The following MARCHF6 variants were observed in gnomAD, a reference collection of about 807,000 sequenced individuals.
MARCHF6 encodes the protein membrane associated ring-CH-type finger 6.
Under a neutral mutation model 133.7 loss-of-function variants are expected in MARCHF6, and 31 were observed. The observed-to-expected ratio is 0.23, with a 90% confidence interval of 0.17 to 0.31. The LOEUF is 0.31. Among genes scored for constraint, MARCHF6 ranks in the 10% least tolerant of loss-of-function variants. The pLI, the probability that MARCHF6 is intolerant of heterozygous loss-of-function variation, is 1.00. For missense variants in MARCHF6, 723 were observed against 1,121.6 expected, an observed-to-expected ratio of 0.64 and a Z score of 5.08; for synonymous variants, 395 against 402.5, an observed-to-expected ratio of 0.98 and a Z score of 0.22.
At position 10,404,031 on chromosome 5, in the gene MARCHF6, CTTTATTTATTTATTTATTTATTTA is replaced by C. The variant is rs36021721; in HGVS notation, c.1332+515_1332+538del. On this transcript the variant is annotated intron_variant, in intron 15 of 25. Transcript: ENST00000274140. ...CCAGTTCACTGGCCTGATGGATTACCTTTATTTATTTATTTATTTATTTATTTATTTATTTATTTATTTATTTAC... is the reference window on the plus strand; with the variant it reads ...CCAGTTCACTGGCCTGATGGATTACCTTTATTTATTTATTTATTTATTTAC... 1.4e-4 allele frequency among the ~76,000 whole-genome samples: 20 copies of C among 143,442 alleles called. No homozygotes were observed. The East Asian group carries it at 3.9e-3, about 28-fold the overall frequency. The allele number at this position is 143,442 out of a possible 152,430, so 94.1% of individuals were successfully genotyped here.
chr5:10,411,304 G>A, intron 18 of MARCHF6, 29 bp from the exon 19 acceptor site: 1 of 1,576,548 alleles, frequency 6.3e-7, no homozygotes, highest in South Asian at 1.1e-5. Context: ...CCTGAAGTGA[G>A]ACTTGTTACT....
chr5:10,417,991 G>T (rs1739614937), intron 22 of MARCHF6, among the ~76,000 whole-genome samples: 1 of 152,064 alleles, frequency 6.6e-6, no homozygotes, highest in Admixed American at 6.5e-5. Flanking sequence ...TCACCTTTGA[G>T]GTAGGGTGAA....
At chr5:10,425,988 CAG>C (rs1740064737) in intron 23 of MARCHF6, among the ~76,000 whole-genome samples, 1 of 152,172 alleles carries the variant, frequency 6.6e-6, no homozygotes, top group Non-Finnish European at 1.5e-5. Context: ...TCATCATACT[CAG>C]ATAAAATGAA....
chr5:10,386,826 C>T (rs889514740), intron 4 of MARCHF6, 168 bp from the exon 5 acceptor site: 1 of 541,060 alleles, frequency 1.8e-6, no homozygotes, highest in Non-Finnish European at 3.4e-6. Context: ...TATATTTGTG[C>T]TTGACTGTGT....
intron 24 of MARCHF6, 60 bp downstream of exon 24, chr5:10,426,582 T>C: frequency 1.3e-6 from 2 of 1,558,910 alleles, no homozygotes; most frequent in Non-Finnish European, 1.8e-6. Flanking sequence ...GGACATTCTC[T>C]TTACCCCTAG....
At chr5:10,374,093 G>C (rs536963146) in intron 1 of MARCHF6, among the ~76,000 whole-genome samples, 2 of 151,840 alleles carry the variant, frequency 1.3e-5, no homozygotes, top group South Asian at 4.2e-4. Flanking sequence ...ATTCTGCAGA[G>C]AGAGAGCCTG....
chr5:10,387,339 G>T (rs1463442123), intron 5 of MARCHF6, among the ~76,000 whole-genome samples: 2 of 145,616 alleles, frequency 1.4e-5, no homozygotes, highest in Non-Finnish European at 3.0e-5. Flanking sequence ...GTCTTGTTCT[G>T]TTGTCCAGGC....
At chr5:10,416,825 T>C (rs1036316026) in intron 21 of MARCHF6, among the ~76,000 whole-genome samples, 3 of 152,352 alleles carry the variant, frequency 2.0e-5, no homozygotes, top group Admixed American at 6.5e-5. Context: ...ATTTGACAGA[T>C]ACAGGGTATT....
At position 10,414,506 on chromosome 5, in the gene MARCHF6, T is replaced by C. The variant is rs1554025060; in HGVS notation, c.1966+4T>C. The C allele has an allele frequency of 6.2e-7, 1 of 1,608,216 alleles. No individual in the cohort carries two copies. Among genetic ancestry groups the C allele is most frequent in the Non-Finnish European group, 8.5e-7 (1 of 1,174,814 alleles). The stretch of plus-strand genomic sequence containing the variant: ...CTCATCTGCCTTACTTTACCAGGTA[T>C]GAGCTTGTGCTAGCCTTCAGCTAAT... On this transcript the variant is annotated splice_donor_region_variant and intron_variant, in intron 20 of 25. Transcript: ENST00000274140.
chr5:10,366,410 A>G (rs552502932), intron 1 of MARCHF6, among the ~76,000 whole-genome samples: 1 of 152,360 alleles, frequency 6.6e-6, no homozygotes, highest in East Asian at 1.9e-4. Context: ...TGATAATTAC[A>G]TATTAAACAT....
intron 1 of MARCHF6, among the ~76,000 whole-genome samples, chr5:10,357,350 G>A (rs945194778): frequency 8.9e-5 from 6 of 67,460 alleles, no homozygotes; most frequent in Non-Finnish European, 1.9e-4. Flanking sequence ...ATATAAAGCT[G>A]AGGTTTTTTT....
intron 22 of MARCHF6, among the ~76,000 whole-genome samples, chr5:10,421,361 A>G (rs1203739851): frequency 6.6e-6 from 1 of 152,256 alleles, no homozygotes; most frequent in Non-Finnish European, 1.5e-5. Flanking sequence ...TTGTTTTGAT[A>G]TCGATAGCTC....
chr5:10,375,241 C>T (rs1311365911), intron 1 of MARCHF6, among the ~76,000 whole-genome samples: 1 of 152,208 alleles, frequency 6.6e-6, no homozygotes, highest in Non-Finnish European at 1.5e-5. Context: ...CTTGGTGGGC[C>T]TGCACTCGGA....
intron 20 of MARCHF6, 96 bp from the exon 21 acceptor site, chr5:10,415,392 C>CACA: frequency 8.8e-7 from 1 of 1,137,976 alleles, no homozygotes; most frequent in Admixed American, 2.1e-5. Context: ...AATGTGATAT[C>CACA]TTTTTCCTAA....
Position 10,392,671 on chromosome 5 carries a change from T to G in MARCHF6, c.766+940T>G, listed in dbSNP as rs550491202. ...TGGGAGGCTGAGATAGGAGAATCAC[T>G]TGAACCCAGGAGGCAGAGGTTGCAG... On this transcript the variant is annotated intron_variant, in intron 7 of 25. Coordinates refer to ENST00000274140, the MANE Select transcript of MARCHF6 (RefSeq NM_005885.4). Among the ~76,000 whole-genome samples, 3 of 152,046 alleles carry G rather than the reference T, an allele frequency of 2.0e-5. No individual in the cohort carries two copies. In the South Asian group the frequency reaches 6.2e-4, roughly 32 times the overall value.
chr5:10,433,585 G>A lies in MARCHF6; in HGVS notation c.2643-9G>A. ...AGAAGAGAGTAACCACCTTGTTTTT[G>A]CAACCTAGGTACCTTGTGGGTCAAC... On this transcript the variant is annotated splice_polypyrimidine_tract_variant and intron_variant, in intron 25 of 25. Coordinates refer to ENST00000274140, the MANE Select transcript of MARCHF6 (RefSeq NM_005885.4). 1 of 1,610,612 alleles carries A rather than the reference G, an allele frequency of 6.2e-7. No individual in the cohort carries two copies. Among genetic ancestry groups the A allele is most frequent in the South Asian group, 1.1e-5 (1 of 90,882 alleles).
intron 5 of MARCHF6, among the ~76,000 whole-genome samples, chr5:10,389,911 ACT>A (rs1737719446): frequency 6.6e-6 from 1 of 152,062 alleles, no homozygotes; most frequent in Admixed American, 6.6e-5. Flanking sequence ...AGATACAGAA[ACT>A]CTTAGAGTTG....
rs1239606258 is a variant in MARCHF6 at position 10,397,313 on chromosome 5, A to G, written c.882A>G (p.Val294=). Residue 294 remains valine (V), a synonymous_variant, in exon 10 of 26, where the codon GTA becomes GTG. Coordinates refer to ENST00000274140, the MANE Select transcript of MARCHF6 (RefSeq NM_005885.4). ...TTTAGGAACATGTCTTCTGGGTGGT[A>G]TCTTTAAATACACTGTTCATTCTTG... ...LVFLEHVFWV[V]SLNTLFILVF... is the part of the protein sequence containing the mutation. 1.0e-5 allele frequency: 16 copies of G among 1,581,698 alleles called. No individual in the cohort carries two copies. The highest frequency in any genetic ancestry group is 1.3e-5 in the Non-Finnish European group (15 of 1,169,926).
chr5:10,363,778 A>G (rs1735963895), intron 1 of MARCHF6, among the ~76,000 whole-genome samples: 1 of 152,236 alleles, frequency 6.6e-6, no homozygotes, highest in Non-Finnish European at 1.5e-5. Context: ...AGCAGTTCAA[A>G]GGAATTAAGT....
Sources: gnomAD v4.1 joint callset for allele counts (sites outside exome capture counted in the v4.1 genomes callset) on GRCh38, gnomAD v4.1.1 for gene constraint, MANE v1.5 for transcripts, NCBI Gene and HGNC (gene_info 2026-07-23, HGNC 2026-07-21) for gene names.